SGMS1: variants seen among roughly 807,000 people sequenced by gnomAD.
SGMS1 encodes phosphatidylcholine:ceramide cholinephosphotransferase 1.
A neutral mutation model predicts 46.2 loss-of-function variants in SGMS1; 13 were observed. That is an observed-to-expected ratio of 0.28 (90% CI 0.18 to 0.45). The LOEUF (loss-of-function observed/expected upper bound fraction) is 0.45, where lower values mean the gene tolerates loss of function less well. SGMS1 is among the 20% of genes least tolerant of loss of function. The probability of loss-of-function intolerance (pLI) is 1.00; values close to 1 mark genes in which losing one functional copy is unlikely to be tolerated. For missense variants in SGMS1, 324 were observed against 519.9 expected (o/e 0.62, Z 3.66); for synonymous variants, 203 against 187.8 (o/e 1.08, Z -0.66).
chr10:50,523,323 T>C (rs1234516347), intron 2 of SGMS1, among the ~76,000 whole-genome samples: 1 of 152,238 alleles, frequency 6.6e-6, no homozygotes, highest in Non-Finnish European at 1.5e-5. Context: ...AAATGCTCTT[T>C]ACTTAAAGAT....
At chr10:50,545,353 G>A (rs542054486) in intron 2 of SGMS1, among the ~76,000 whole-genome samples, 15 of 152,190 alleles carry the variant, frequency 9.9e-5, no homozygotes, top group Non-Finnish European at 1.9e-4. Flanking sequence ...TTGGAAAGTA[G>A]TCGACTCATG....
intron 3 of SGMS1, among the ~76,000 whole-genome samples, chr10:50,501,072 C>T (rs929035037): frequency 6.6e-6 from 1 of 152,148 alleles, no homozygotes. Flanking sequence ...ATTATGGGGG[C>T]CAGCCAGAAG....
At chr10:50,602,214 A>G (rs901730004) in intron 1 of SGMS1, among the ~76,000 whole-genome samples, 5 of 152,222 alleles carry the variant, frequency 3.3e-5, no homozygotes, top group African/African-American at 1.2e-4. Context: ...TGATCCTGTC[A>G]GCCTAGAAAA....
chr10:50,417,922 CATTAAAGCAGGATGCAGGAAAAATAAAG>C (rs1849197057), intron 6 of SGMS1: 1 of 152,256 alleles, frequency 6.6e-6, no homozygotes, highest in Non-Finnish European at 1.5e-5. Context: ...CCTATTTGAT[CATTAAAGCAGGATGCAGGAAAAATAAAG>C]ATTTCCCTTT....
intron 2 of SGMS1, among the ~76,000 whole-genome samples, chr10:50,543,981 G>A (rs985140696): frequency 5.9e-5 from 9 of 152,130 alleles, no homozygotes; most frequent in Admixed American, 1.3e-4. Flanking sequence ...CAAAATGTCC[G>A]GCATGGGCAG....
chr10:50,532,749 T>C (rs897311679), intron 2 of SGMS1, among the ~76,000 whole-genome samples: 1 of 152,202 alleles, frequency 6.6e-6, no homozygotes, highest in Non-Finnish European at 1.5e-5. Context: ...ATTTGGAAGG[T>C]AGTTTTTAGG....
intron 1 of SGMS1, among the ~76,000 whole-genome samples, chr10:50,616,235 C>A (rs147615942): frequency 3.9e-5 from 6 of 152,056 alleles, no homozygotes; most frequent in South Asian, 2.1e-4. Flanking sequence ...CCACATCAGC[C>A]CCCCCGCCCC....
intron 3 of SGMS1, among the ~76,000 whole-genome samples, chr10:50,518,127 T>C (rs1837825371): frequency 6.6e-6 from 1 of 152,112 alleles, no homozygotes. Flanking sequence ...GTGAAACAAA[T>C]AATAAAACAG....
intron 1 of SGMS1, chr10:50,590,736 G>C (rs1838532745): frequency 6.6e-6 from 1 of 152,064 alleles, no homozygotes; most frequent in African/African-American, 2.4e-5. Context: ...TGTGTGTGTG[G>C]TGAGAACACA....
intron 3 of SGMS1, among the ~76,000 whole-genome samples, chr10:50,517,988 A>G (rs1013501345): frequency 3.3e-5 from 5 of 152,218 alleles, no homozygotes; most frequent in African/African-American, 1.2e-4. Flanking sequence ...GAAAAGAAAA[A>G]ATTCTGAAGA....
chr10:50,332,578 C>G (rs778005615), intron 7 of SGMS1, among the ~76,000 whole-genome samples: 2 of 149,642 alleles, frequency 1.3e-5, no homozygotes, highest in East Asian at 4.0e-4. Flanking sequence ...CTTTCTTCAA[C>G]TCCCTTCAAC....
chr10:50,596,867 A>G (rs1480255227), intron 1 of SGMS1, among the ~76,000 whole-genome samples: 1 of 152,230 alleles, frequency 6.6e-6, no homozygotes, highest in Non-Finnish European at 1.5e-5. Flanking sequence ...ATTGATTCAT[A>G]CACTGACTTG....
At chr10:50,377,940 T>C (rs1049942939) in intron 6 of SGMS1, among the ~76,000 whole-genome samples, 2 of 152,212 alleles carry the variant, frequency 1.3e-5, no homozygotes, top group African/African-American at 4.8e-5. Flanking sequence ...ATACATATGA[T>C]TGCATTTAGG....
At chr10:50,346,417 A>G (rs1157516792) in intron 6 of SGMS1, among the ~76,000 whole-genome samples, 1 of 152,162 alleles carries the variant, frequency 6.6e-6, no homozygotes, top group Non-Finnish European at 1.5e-5. Flanking sequence ...TGTTGCAAAG[A>G]TCTGGAGATT....
intron 9 of SGMS1, among the ~76,000 whole-genome samples, chr10:50,308,674 G>C (rs1221604860): frequency 6.6e-6 from 1 of 152,020 alleles, no homozygotes; most frequent in East Asian, 1.9e-4. Flanking sequence ...CCAGACGCCT[G>C]GGAATTCTAG....
chr10:50,415,348 G>A (rs1242433568), intron 6 of SGMS1, among the ~76,000 whole-genome samples: 1 of 152,158 alleles, frequency 6.6e-6, no homozygotes. Context: ...ACCAACGTAA[G>A]TTATGAATCT....
chr10:50,558,982 AC>A (rs1838211193), intron 2 of SGMS1, among the ~76,000 whole-genome samples: 1 of 151,942 alleles, frequency 6.6e-6, no homozygotes, highest in Admixed American at 6.6e-5. Flanking sequence ...CAGATGTTTG[AC>A]TGTGAGGGGT....
At chr10:50,502,452 T>C (rs988914148) in intron 3 of SGMS1, among the ~76,000 whole-genome samples, 4 of 152,058 alleles carry the variant, frequency 2.6e-5, no homozygotes, top group African/African-American at 9.7e-5. Context: ...TACCTGCCCA[T>C]GGAAGGGAAG....
intron 2 of SGMS1, among the ~76,000 whole-genome samples, chr10:50,560,047 TA>T (rs901765894): frequency 2.2e-5 from 3 of 133,378 alleles, no homozygotes; most frequent in African/African-American, 7.5e-5. Flanking sequence ...CAGATTTATA[TA>T]TATAAAATAT....
Sources: allele counts gnomAD v4.1 joint callset (sites outside exome capture counted in the v4.1 genomes callset), GRCh38; gene constraint gnomAD v4.1.1; transcripts MANE v1.5; gene names NCBI Gene and HGNC (gene_info 2026-07-23, HGNC 2026-07-21).